KIF24: variants seen among roughly 807,000 people sequenced by gnomAD.
KIF24 encodes kinesin family member 24, also known as kinesin-like protein KIF24.
KIF24 carries 81 observed loss-of-function variants against 118.9 expected under a neutral mutation model. That is an observed-to-expected ratio of 0.68 (90% CI 0.57 to 0.82). The LOEUF is 0.82. KIF24 is among the 40% of genes least tolerant of loss of function. The probability of loss-of-function intolerance (pLI) is 0.00; values close to 1 mark genes in which losing one functional copy is unlikely to be tolerated. For missense variants in KIF24, 1,560 were observed against 1,661.6 expected, an observed-to-expected ratio of 0.94 and a Z score of 1.06; for synonymous variants, 599 against 610.0, an observed-to-expected ratio of 0.98 and a Z score of 0.27.
chr9:34,255,056 A>G lies in KIF24; in HGVS notation c.3966+16T>C. The G allele has an allele frequency of 6.5e-7, 1 of 1,541,802 alleles. No homozygotes were observed. The highest frequency in any genetic ancestry group is 8.8e-7 in the Non-Finnish European group (1 of 1,131,136). On this transcript the variant is annotated intron_variant, in intron 12 of 12. Coordinates refer to ENST00000402558, the MANE Select transcript of KIF24 (RefSeq NM_194313.4). The stretch of plus-strand genomic sequence containing the variant: ...AATTCCCAACAGCCTGTGAGTGTCC[A>G]GCCAGGGCTACTTACATTAGAAGCC...
intron 7 of KIF24, among the ~76,000 whole-genome samples, 171 bp downstream of exon 7, chr9:34,271,638 C>T (rs558650520): frequency 6.6e-6 from 1 of 152,314 alleles, no homozygotes; most frequent in South Asian, 2.1e-4. Flanking sequence ...CATGGTTAAT[C>T]AACTGTTGAC....
intron 6 of KIF24, among the ~76,000 whole-genome samples, chr9:34,276,713 T>G (rs1021765017): frequency 3.3e-5 from 5 of 152,178 alleles, no homozygotes; most frequent in Non-Finnish European, 5.9e-5. Context: ...TTGTAAAAAG[T>G]TTGCTAAAAA....
chr9:34,308,287 C>CTTTT (rs35870541), intron 2 of KIF24, among the ~76,000 whole-genome samples: 11 of 142,280 alleles, frequency 7.7e-5, no homozygotes, highest in Non-Finnish European at 1.5e-4. Context: ...ATTTTTAATG[C>CTTTT]TTTTTTTTTT....
At chr9:34,295,586 G>A (rs1045256609) in intron 4 of KIF24, among the ~76,000 whole-genome samples, 1 of 152,168 alleles carries the variant, frequency 6.6e-6, no homozygotes, top group African/African-American at 2.4e-5. Context: ...GCTGAGATGG[G>A]AGGATTGCTT....
At position 34,254,179 on chromosome 9, in the gene KIF24, G is replaced by C. The variant is rs918381383; in HGVS notation, c.*201C>G. 2 of 490,470 alleles carry C rather than the reference G, an allele frequency of 4.1e-6. No homozygotes were observed. Among genetic ancestry groups the C allele is most frequent in the Non-Finnish European group, 3.5e-6 (1 of 282,228 alleles). The allele number at this position is 490,470 out of a possible 1,614,324, so 30.4% of individuals were successfully genotyped here. A position where few individuals can be genotyped will look rare whatever the true frequency, so the allele number is the denominator to read the frequency against. ...ACCCTTGGAGGCACTCCTGTGCATG[G>C]AACTGAGGGACAGGGGCCTGTCCCT... is the stretch of plus-strand genomic sequence containing the variant. On this transcript the variant is annotated 3_prime_UTR_variant, in exon 13 of 13. Transcript: ENST00000402558.
intron 4 of KIF24, among the ~76,000 whole-genome samples, chr9:34,291,332 C>A (rs974434802): frequency 2.6e-5 from 4 of 152,070 alleles, no homozygotes; most frequent in African/African-American, 7.2e-5. Context: ...GCAGGCACAC[C>A]AAATCTTGAG....
chr9:34,269,689 G>C (rs925536347), intron 7 of KIF24, among the ~76,000 whole-genome samples: 1 of 152,008 alleles, frequency 6.6e-6, no homozygotes, highest in Admixed American at 6.5e-5. Flanking sequence ...AAAGTGCTGG[G>C]ATTACAGGCA....
intron 1 of KIF24, chr9:34,319,097 G>A (rs527507200): frequency 6.8e-5 from 92 of 1,355,050 alleles, no homozygotes; most frequent in South Asian, 4.9e-4. Flanking sequence ...GTTCTATACC[G>A]TGGGTGTCAT....
chr9:34,299,077 C>T (rs928873511), intron 3 of KIF24, among the ~76,000 whole-genome samples: 7 of 151,220 alleles, frequency 4.6e-5, no homozygotes, highest in Non-Finnish European at 7.4e-5. Flanking sequence ...GTTGGTAGCT[C>T]GTATATATAG....
chr9:34,275,643 G>A (rs1437188919), intron 6 of KIF24, among the ~76,000 whole-genome samples: 5 of 151,652 alleles, frequency 3.3e-5, no homozygotes, highest in Admixed American at 6.6e-5. Flanking sequence ...GATCGAGACC[G>A]TCCTGGCTAA....
At chr9:34,325,769 A>G (rs533821483) in intron 1 of KIF24, among the ~76,000 whole-genome samples, 7 of 152,320 alleles carry the variant, frequency 4.6e-5, no homozygotes, top group African/African-American at 1.7e-4. Flanking sequence ...ATATCCCTAC[A>G]GTATATTAAA....
intron 3 of KIF24, among the ~76,000 whole-genome samples, chr9:34,297,665 G>A (rs757960971): frequency 1.3e-5 from 2 of 152,034 alleles, no homozygotes; most frequent in African/African-American, 2.4e-5. Flanking sequence ...GGGAGGCTGA[G>A]GCAGGAGAAT....
chr9:34,330,388 G>A (rs1837870291), upstream of KIF24, among the ~76,000 whole-genome samples: 2 of 152,224 alleles, frequency 1.3e-5, no homozygotes, highest in African/African-American at 4.8e-5. Flanking sequence ...CTGGGCGACA[G>A]AGCGAGACTC....
chr9:34,268,636 T>C (rs887609661), intron 8 of KIF24, among the ~76,000 whole-genome samples: 1 of 151,642 alleles, frequency 6.6e-6, no homozygotes, highest in African/African-American at 2.4e-5. Flanking sequence ...GCCTCCTGAG[T>C]AGCTGGAATT....
At chr9:34,255,494 G>C (rs1029481193) in intron 11 of KIF24, among the ~76,000 whole-genome samples, 1 of 152,174 alleles carries the variant, frequency 6.6e-6, no homozygotes, top group Non-Finnish European at 1.5e-5. Flanking sequence ...CCTGCAGAAA[G>C]GCTCTCAAGG....
At chr9:34,261,512 G>T (rs529028781) in intron 9 of KIF24, among the ~76,000 whole-genome samples, 1 of 152,286 alleles carries the variant, frequency 6.6e-6, no homozygotes, top group African/African-American at 2.4e-5. Flanking sequence ...TTTTTGTGTA[G>T]TGTTTTTTTC....
At position 34,259,593 on chromosome 9, in the gene KIF24, TA is replaced by T. The variant is rs757438129; in HGVS notation, c.1625+2del. The T allele has an allele frequency of 4.3e-6, 7 of 1,610,902 alleles. No homozygotes were observed. Among genetic ancestry groups the T allele is most frequent in the Non-Finnish European group, 5.9e-6 (7 of 1,177,162 alleles). On this transcript the variant is annotated splice_donor_variant, in intron 10 of 12. Coordinates refer to ENST00000402558, the MANE Select transcript of KIF24 (RefSeq NM_194313.4). LOFTEE classifies it high-confidence loss of function. ...ACAACCTGCCATCTGGGAGCTGACT[TA>T]CCGGTCAGCATAGCGCAAGGTGTTG...
chr9:34,312,976 G>A (rs992848197), intron 1 of KIF24, among the ~76,000 whole-genome samples: 13 of 152,228 alleles, frequency 8.5e-5, no homozygotes, highest in Non-Finnish European at 1.6e-4. Flanking sequence ...TGGGATTACA[G>A]GCGTGAGCCA....
Position 34,318,913 on chromosome 9 carries a change from G to C in KIF24, c.-25-7542C>G. 6.3e-7 allele frequency: 1 copy of C among 1,581,372 alleles called. No individual in the cohort carries two copies. Among genetic ancestry groups the C allele is most frequent in the South Asian group, 1.1e-5 (1 of 90,480 alleles). ...ATTTCCATGACAAGCGCAGTGCGCT[G>C]CAGTCCATCCACGAGTGGGCCGTGC... On this transcript the variant is annotated intron_variant, in intron 1 of 12. Coordinates refer to ENST00000402558, the MANE Select transcript of KIF24 (RefSeq NM_194313.4). The surrounding 1 kb of genome is among the most constrained non-coding windows in gnomAD (Gnocchi z 4.9).
Sources: allele counts gnomAD v4.1 joint callset (sites outside exome capture counted in the v4.1 genomes callset), GRCh38; gene constraint gnomAD v4.1.1; non-coding constraint Gnocchi (gnomAD v3.1); transcripts MANE v1.5; gene names NCBI Gene and HGNC (gene_info 2026-07-23, HGNC 2026-07-21).